CCDC91: variants seen among roughly 807,000 people sequenced by gnomAD.
The protein encoded by CCDC91 is coiled-coil domain-containing protein 91.
CCDC91 carries 48 observed loss-of-function variants against 63.2 expected under a neutral mutation model. The observed-to-expected ratio is 0.76, with a 90% CI of 0.60 to 0.97. CCDC91 has a LOEUF of 0.97. Ranked by LOEUF, CCDC91 falls within the 50% of genes least tolerant of loss-of-function variation. CCDC91 has a pLI of 0.00. For missense variants in CCDC91, 500 were observed against 494.6 expected, an observed-to-expected ratio of 1.01 and a Z score of -0.10; for synonymous variants, 167 against 165.8, an observed-to-expected ratio of 1.01 and a Z score of -0.06.
At chr12:28,297,597 GCAAA>G (rs762782990) in intron 3 of CCDC91, among the ~76,000 whole-genome samples, 25 of 151,790 alleles carry the variant, frequency 1.6e-4, no homozygotes, top group Non-Finnish European at 2.2e-4. Flanking sequence ...TTAAAAGCAA[GCAAA>G]CAAACAACAT....
At chr12:28,269,161 C>T (rs145191293) in intron 3 of CCDC91, among the ~76,000 whole-genome samples, 170 of 152,084 alleles carry the variant, frequency 1.1e-3, no homozygotes, top group African/African-American at 3.7e-3. Context: ...TTTGTATTTA[C>T]TCAGGTTGAG....
chr12:28,545,552 C>T (rs1240570175), intron 12 of CCDC91, among the ~76,000 whole-genome samples: 3 of 151,998 alleles, frequency 2.0e-5, no homozygotes, highest in South Asian at 4.1e-4. Context: ...AGTATCGGTT[C>T]GCCTTGTTGC....
At chr12:28,500,168 C>T (rs1450643837) in intron 12 of CCDC91, among the ~76,000 whole-genome samples, 1 of 149,044 alleles carries the variant, frequency 6.7e-6, no homozygotes. Flanking sequence ...TGTTCGTATC[C>T]TTCGCCCACT....
At chr12:28,536,919 T>C (rs569408177) in intron 12 of CCDC91, among the ~76,000 whole-genome samples, 84 of 152,168 alleles carry the variant, frequency 5.5e-4, no homozygotes, top group Admixed American at 1.6e-3. Context: ...ATATTGAGAC[T>C]GAAACTGATA....
intron 1 of CCDC91, among the ~76,000 whole-genome samples, chr12:28,232,109 G>A (rs1339865745): frequency 6.6e-6 from 1 of 151,952 alleles, no homozygotes; most frequent in Non-Finnish European, 1.5e-5. Context: ...AAAATATGGT[G>A]GATCATTTTA....
intron 12 of CCDC91, among the ~76,000 whole-genome samples, chr12:28,527,953 C>G (rs1304758910): frequency 6.6e-6 from 1 of 152,166 alleles, no homozygotes; most frequent in Admixed American, 6.5e-5. Flanking sequence ...ACTGTGCCCC[C>G]CCGCCAAGAG....
chr12:28,443,328 C>T lies in CCDC91; in HGVS notation c.763-6833C>T, dbSNP rs1414552192. Among the ~76,000 whole-genome samples, 3 of 151,830 alleles carry T rather than the reference C, an allele frequency of 2.0e-5. 1 individual carries two copies. Among genetic ancestry groups the T allele is most frequent in the African/African-American group, 7.3e-5 (3 of 41,342 alleles). ...AGAACTATAATTTGCTGCCCTCGAC[C>T]TCTTTTCTAAGCTTTAAACTAATAT... On this transcript the variant is annotated intron_variant, in intron 8 of 12. Coordinates refer to ENST00000536442, the MANE Select transcript of CCDC91 (RefSeq NM_018318.5).
chr12:28,365,903 C>T lies in CCDC91; in HGVS notation c.654+3388C>T, dbSNP rs1274298983. Among the ~76,000 whole-genome samples, 6 of 152,116 alleles carry T rather than the reference C, an allele frequency of 3.9e-5. No individual in the cohort carries two copies. The East Asian group carries it at 9.6e-4, about 24-fold the overall frequency. On this transcript the variant is annotated intron_variant, in intron 7 of 12. Coordinates refer to ENST00000536442, the MANE Select transcript of CCDC91 (RefSeq NM_018318.5). ...CCAGTCCTGGCTCCTGGGGATCTTA[C>T]GTCTTTCTAGTTATCCTGGACTAGA...
chr12:28,335,047 A>G (rs1291085860), intron 6 of CCDC91, among the ~76,000 whole-genome samples: 1 of 146,386 alleles, frequency 6.8e-6, no homozygotes, highest in Non-Finnish European at 1.5e-5. Context: ...TATTTAATAT[A>G]TAAATATTTA....
chr12:28,327,646 T>C (rs138854410), intron 6 of CCDC91, among the ~76,000 whole-genome samples: 1 of 152,250 alleles, frequency 6.6e-6, no homozygotes, highest in East Asian at 1.9e-4. Context: ...CTATTAAACC[T>C]TTGCTTCTAA....
chr12:28,335,421 A>G (rs935745591), intron 6 of CCDC91, among the ~76,000 whole-genome samples: 1 of 143,600 alleles, frequency 7.0e-6, no homozygotes, highest in Admixed American at 7.2e-5. Flanking sequence ...ATAAAAATAC[A>G]TATATATATA....
At chr12:28,243,652 T>G (rs1021799015) in intron 1 of CCDC91, among the ~76,000 whole-genome samples, 4 of 152,074 alleles carry the variant, frequency 2.6e-5, no homozygotes, top group African/African-American at 4.8e-5. Context: ...GAAAAAGAGA[T>G]ATATAACATA....
At chr12:28,298,365 T>TG (rs1294793536) in intron 3 of CCDC91, among the ~76,000 whole-genome samples, 2 of 137,692 alleles carry the variant, frequency 1.5e-5, no homozygotes, top group Admixed American at 1.4e-4. Context: ...TGTTGAGTTT[T>TG]TTTTTTTTTT....
intron 3 of CCDC91, among the ~76,000 whole-genome samples, chr12:28,304,375 TAAAAAAAAA>T (rs777296414): frequency 4.1e-5 from 3 of 73,596 alleles, no homozygotes; most frequent in Non-Finnish European, 7.5e-5. Context: ...AGACTCCGTC[TAAAAAAAAA>T]AAAAAAAAAA....
At chr12:28,290,121 A>G (rs1293581494) in intron 3 of CCDC91, among the ~76,000 whole-genome samples, 116 of 151,844 alleles carry the variant, frequency 7.6e-4, no homozygotes, top group Non-Finnish European at 2.1e-4. Context: ...GAAGTCTCCC[A>G]CTATTACTGT....
intron 11 of CCDC91, among the ~76,000 whole-genome samples, chr12:28,458,375 T>C (rs1950148316): frequency 6.7e-6 from 1 of 149,324 alleles, no homozygotes; most frequent in Admixed American, 6.7e-5. Context: ...GAGATGTCTG[T>C]AATACAACAT....
intron 8 of CCDC91, among the ~76,000 whole-genome samples, chr12:28,396,877 T>C (rs1280730292): frequency 2.0e-5 from 3 of 152,136 alleles, no homozygotes; most frequent in Admixed American, 2.0e-4. Flanking sequence ...TTATATTGCC[T>C]GTGCAAGATG....
Position 28,497,913 on chromosome 12 carries a change from C to T in CCDC91, c.1215+13748C>T, listed in dbSNP as rs533677533. ...ATGTATTCAACCCTTTGCTTTTGTCCTCAATATTTACTCCATTCCTGTGGT... is the reference window on the plus strand; with the variant it reads ...ATGTATTCAACCCTTTGCTTTTGTCTTCAATATTTACTCCATTCCTGTGGT... On this transcript the variant is annotated intron_variant, in intron 12 of 12. Transcript: ENST00000536442. 8.6e-5 allele frequency among the ~76,000 whole-genome samples: 13 copies of T among 151,614 alleles called. 1 individual carries two copies. The highest frequency in any genetic ancestry group is 3.1e-4 in the African/African-American group (13 of 41,440).
At chr12:28,337,355 C>CTA (rs1311730170) in intron 6 of CCDC91, among the ~76,000 whole-genome samples, 1 of 152,114 alleles carries the variant, frequency 6.6e-6, no homozygotes, top group East Asian at 1.9e-4. Flanking sequence ...CAAACCTGCC[C>CTA]CATTTTAAAA....
Sources: allele counts gnomAD v4.1 joint callset (sites outside exome capture counted in the v4.1 genomes callset), GRCh38; gene constraint gnomAD v4.1.1; transcripts MANE v1.5; gene names NCBI Gene and HGNC (gene_info 2026-07-23, HGNC 2026-07-21).